The following ITPR2 variants were observed in gnomAD, a reference collection of about 807,000 sequenced individuals.
ITPR2 encodes the protein inositol 1,4,5-trisphosphate receptor type 2.
A neutral mutation model predicts 317.1 loss-of-function variants in ITPR2; 207 were observed. The observed-to-expected ratio is 0.65, with a 90% CI of 0.58 to 0.73. The LOEUF (loss-of-function observed/expected upper bound fraction) is 0.73. ITPR2 is among the 30% of genes least tolerant of loss of function. The pLI is 0.00. For missense variants in ITPR2, 2,613 were observed against 3,284.0 expected, an observed-to-expected ratio of 0.80 and a Z score of 4.99; for synonymous variants, 1,156 against 1,149.1, an observed-to-expected ratio of 1.01 and a Z score of -0.12.
intron 13 of ITPR2, among the ~76,000 whole-genome samples, chr12:26,674,517 C>T (rs1947863393): frequency 6.6e-6 from 1 of 152,154 alleles, no homozygotes; most frequent in African/African-American, 2.4e-5. Context: ...AACTGGATCC[C>T]TTCCTTACAC....
At chr12:26,640,836 A>G (rs542471139) in intron 21 of ITPR2, among the ~76,000 whole-genome samples, 3 of 152,334 alleles carry the variant, frequency 2.0e-5, no homozygotes, top group East Asian at 1.9e-4. Context: ...GTGAGATATG[A>G]AAGTATATCT....
At chr12:26,812,300 G>A (rs963065338) in intron 1 of ITPR2, among the ~76,000 whole-genome samples, 4 of 152,034 alleles carry the variant, frequency 2.6e-5, no homozygotes, top group African/African-American at 9.7e-5. Flanking sequence ...TAATACGGCC[G>A]GATGCGGTGG....
At chr12:26,344,241 A>G (rs954889082) in intron 55 of ITPR2, among the ~76,000 whole-genome samples, 1 of 152,148 alleles carries the variant, frequency 6.6e-6, no homozygotes, top group Non-Finnish European at 1.5e-5. Flanking sequence ...CACAAAACAG[A>G]CTAAGACAGG....
intron 34 of ITPR2, among the ~76,000 whole-genome samples, chr12:26,573,326 C>G (rs1037143039): frequency 8.5e-5 from 13 of 152,188 alleles, no homozygotes; most frequent in Non-Finnish European, 1.8e-4. Flanking sequence ...AACTTTCACT[C>G]TGTGAAACTC....
intron 45 of ITPR2, among the ~76,000 whole-genome samples, chr12:26,471,836 A>G (rs1942297190): frequency 6.6e-6 from 1 of 152,236 alleles, no homozygotes; most frequent in South Asian, 2.1e-4. Context: ...CATATCCACA[A>G]TGAAAACAGT....
chr12:26,535,628 C>T (rs924131717), intron 37 of ITPR2, among the ~76,000 whole-genome samples: 2 of 152,092 alleles, frequency 1.3e-5, no homozygotes, highest in Admixed American at 6.5e-5. Flanking sequence ...TAGATGTCTT[C>T]CTTGGGTACT....
chr12:26,628,384 C>G (rs1302738698), intron 22 of ITPR2, among the ~76,000 whole-genome samples: 1 of 152,168 alleles, frequency 6.6e-6, no homozygotes, highest in Non-Finnish European at 1.5e-5. Context: ...TTGGAAAGAA[C>G]ATTTGACTCC....
rs569203627 is a variant in ITPR2 at position 26,406,365 on chromosome 12, C to T, written c.7399+4955G>A. On this transcript the variant is annotated intron_variant, in intron 52 of 56. Transcript: ENST00000381340. ...TGTAAATTGTTGCAAAAAGGCCTTGCTTTTTTTAAGGTGAATATTTTTGTT... is the reference window on the plus strand; with the variant it reads ...TGTAAATTGTTGCAAAAAGGCCTTGTTTTTTTTAAGGTGAATATTTTTGTT... 19 of 141,100 alleles carry T rather than the reference C, an allele frequency of 1.3e-4. No homozygotes were observed. In the South Asian group the frequency reaches 4.3e-3, roughly 32 times the overall value. 8.7% of individuals were successfully genotyped at this position (141,100 alleles called of 1,614,324 possible).
chr12:26,339,240 T>C lies in ITPR2; in HGVS notation c.*157A>G, dbSNP rs1333614653. 1.8e-5 allele frequency: 11 copies of C among 628,180 alleles called. No homozygotes were observed. The highest frequency in any genetic ancestry group is 3.7e-5 in the African/African-American group (2 of 54,108). The allele number at this position is 628,180 out of a possible 1,614,324, so 38.9% of individuals were successfully genotyped here. On this transcript the variant is annotated 3_prime_UTR_variant, in exon 57 of 57. Coordinates refer to ENST00000381340, the MANE Select transcript of ITPR2 (RefSeq NM_002223.4). Reference sequence around the variant, plus strand: ...CTTCGCAACCATGAAAACACAGTTATAAATTGTTCTCGGAGCTAACCCACT... The same window carrying C: ...CTTCGCAACCATGAAAACACAGTTACAAATTGTTCTCGGAGCTAACCCACT...
chr12:26,725,999 C>A, intron 2 of ITPR2: 2 of 375,386 alleles, frequency 5.3e-6, no homozygotes, highest in South Asian at 4.4e-5. Context: ...TTAAAGACTA[C>A]GATAGCCAGT....
chr12:26,640,726 A>C (rs34744982), intron 21 of ITPR2, among the ~76,000 whole-genome samples: 1 of 147,922 alleles, frequency 6.8e-6, no homozygotes, highest in African/African-American at 2.5e-5. Context: ...TAAGAAAGAC[A>C]CAAGTATATA....
At chr12:26,541,625 G>A (rs888532809) in intron 37 of ITPR2, among the ~76,000 whole-genome samples, 9 of 152,128 alleles carry the variant, frequency 5.9e-5, no homozygotes, top group African/African-American at 2.2e-4. Flanking sequence ...ACTGAAATGA[G>A]TATATGCATA....
At position 26,663,701 on chromosome 12, in the gene ITPR2, T is replaced by C. The variant is rs1947554614; in HGVS notation, c.1697A>G (p.Asp566Gly). 1.2e-6 allele frequency: 2 copies of C among 1,611,062 alleles called. No homozygotes were observed. The highest frequency in any genetic ancestry group is 1.7e-6 in the Non-Finnish European group (2 of 1,179,264). Residue 566 changes from aspartate (D) to glycine (G), a missense_variant, in exon 15 of 57, where the codon GAT (aspartate) becomes GGT (glycine). By Grantham distance (94) the Asp-to-Gly change is moderately conservative. This residue lies in a region of ITPR2 where 515 missense variants were observed against 789.4 expected (regional missense o/e 0.65). Coordinates refer to ENST00000381340, the MANE Select transcript of ITPR2 (RefSeq NM_002223.4). ...CYRVLRHSQQ[D>G]YRKNQEYIAK... ...CCCTCTGACCTGATTTTTCCGGTAA[T>C]CCTGCTGCGAGTGTCTCAGGACGCG...
chr12:26,800,734 T>G (rs1200372426), intron 1 of ITPR2: 1 of 152,162 alleles, frequency 6.6e-6, no homozygotes, highest in East Asian at 1.9e-4. Context: ...AATAATTTCT[T>G]GGAATGAAGC....
intron 37 of ITPR2, among the ~76,000 whole-genome samples, chr12:26,497,438 G>A (rs1176032208): frequency 2.6e-5 from 1 of 37,956 alleles, no homozygotes; most frequent in Non-Finnish European, 8.3e-5. Context: ...ACAGGCATGA[G>A]CCACCGTGCC....
intron 9 of ITPR2, 152 bp downstream of exon 9, chr12:26,711,021 A>G: frequency 1.8e-6 from 1 of 565,256 alleles, no homozygotes; most frequent in East Asian, 2.8e-5. Context: ...ACATTTTAAA[A>G]ATAATTTATA....
intron 37 of ITPR2, among the ~76,000 whole-genome samples, chr12:26,527,619 A>G (rs1943841788): frequency 6.6e-6 from 1 of 152,222 alleles, no homozygotes; most frequent in African/African-American, 2.4e-5. Context: ...CACCAGTGAA[A>G]CTGGGAGTAA....
At chr12:26,709,173 G>A (rs772313707) in intron 9 of ITPR2, among the ~76,000 whole-genome samples, 2 of 152,150 alleles carry the variant, frequency 1.3e-5, no homozygotes, top group Non-Finnish European at 2.9e-5. Context: ...GGCTATGATT[G>A]CTATTTTGAT....
At chr12:26,783,029 G>A (rs1236512442) in intron 2 of ITPR2, among the ~76,000 whole-genome samples, 1 of 152,158 alleles carries the variant, frequency 6.6e-6, no homozygotes, top group Non-Finnish European at 1.5e-5. Flanking sequence ...TAACCTCCAT[G>A]AGCAGAGGCA....
Sources: allele counts gnomAD v4.1 joint callset (sites outside exome capture counted in the v4.1 genomes callset), GRCh38; gene constraint gnomAD v4.1.1; regional missense constraint gnomAD v4.1.1; transcripts MANE v1.5; gene names NCBI Gene and HGNC (gene_info 2026-07-23, HGNC 2026-07-21).